Variants in PBRM1 observed in about 807,000 individuals in gnomAD.
The protein encoded by PBRM1 is protein polybromo-1.
Under a neutral mutation model 194.5 loss-of-function variants are expected in PBRM1, and 27 were observed. That is an observed-to-expected ratio of 0.14 (90% CI 0.10 to 0.19). The LOEUF (loss-of-function observed/expected upper bound fraction) is 0.19. Among genes scored for constraint, PBRM1 ranks in the 10% least tolerant of loss-of-function variants. The probability of loss-of-function intolerance (pLI) is 1.00; values close to 1 mark genes in which losing one functional copy is unlikely to be tolerated. For synonymous variants in PBRM1, 655 were observed against 693.2 expected, an observed-to-expected ratio of 0.94 and a Z score of 0.87; for missense variants, 1,466 against 2,077.2, an observed-to-expected ratio of 0.71 and a Z score of 5.72.
intron 17 of PBRM1, among the ~76,000 whole-genome samples, chr3:52,602,224 A>C (rs1052704601): frequency 2.6e-5 from 4 of 152,236 alleles, no homozygotes; most frequent in African/African-American, 9.6e-5. Context: ...ATGTCTTCAA[A>C]TCTTTTTTCT....
At chr3:52,647,457 A>AAAAAATAT (rs1560745545) in intron 7 of PBRM1, among the ~76,000 whole-genome samples, 2 of 47,878 alleles carry the variant, frequency 4.2e-5, no homozygotes, top group Non-Finnish European at 6.9e-5. Context: ...AAAAAAAAAA[A>AAAAAATAT]ATATATATAT....
At chr3:52,661,191 AT>A (rs1462082296) in intron 4 of PBRM1, among the ~76,000 whole-genome samples, 3 of 151,976 alleles carry the variant, frequency 2.0e-5, no homozygotes, top group Admixed American at 6.6e-5. Flanking sequence ...TGCCTAGCTA[AT>A]TTTTGTATTT....
At chr3:52,546,994 T>A (rs1158006460), downstream of PBRM1, 1 of 233,214 alleles carries the variant, frequency 4.3e-6, no homozygotes, top group Non-Finnish European at 8.5e-6. Flanking sequence ...TACTTGTATA[T>A]GAAGGCAATC....
chr3:52,562,746 G>A (rs967739886), intron 24 of PBRM1, among the ~76,000 whole-genome samples: 1 of 151,898 alleles, frequency 6.6e-6, no homozygotes, highest in African/African-American at 2.4e-5. Context: ...TCACTATGTT[G>A]CCCAATGTGG....
At chr3:52,584,602 T>C (rs1471565983) in intron 20 of PBRM1, among the ~76,000 whole-genome samples, 2 of 151,858 alleles carry the variant, frequency 1.3e-5, no homozygotes, top group Non-Finnish European at 2.9e-5. Context: ...TCTACAGGCA[T>C]GTGCTACCAT....
At chr3:52,553,927 G>C (rs1350568599) in intron 27 of PBRM1, among the ~76,000 whole-genome samples, 1 of 152,142 alleles carries the variant, frequency 6.6e-6, no homozygotes, top group East Asian at 1.9e-4. Flanking sequence ...CTCCCAAAGT[G>C]CTGGGATTAC....
At chr3:52,597,201 C>T (rs1174214277) in intron 17 of PBRM1, among the ~76,000 whole-genome samples, 2 of 152,194 alleles carry the variant, frequency 1.3e-5, no homozygotes, top group African/African-American at 2.4e-5. Context: ...CAATTCAAGA[C>T]TGTGTTTTCT....
chr3:52,661,257 T>C (rs1001624606), intron 4 of PBRM1, among the ~76,000 whole-genome samples: 1 of 152,100 alleles, frequency 6.6e-6, no homozygotes, highest in Non-Finnish European at 1.5e-5. Context: ...ACTCCTAACC[T>C]CAAGTGATCC....
chr3:52,622,210 G>C (rs930731710), intron 13 of PBRM1, among the ~76,000 whole-genome samples: 2 of 151,638 alleles, frequency 1.3e-5, no homozygotes, highest in Non-Finnish European at 2.9e-5. Context: ...GTGGTGGCGT[G>C]CACCTGTATC....
chr3:52,582,241 C>CAAAAAA (rs71084194), intron 20 of PBRM1, among the ~76,000 whole-genome samples: 1 of 91,262 alleles, frequency 1.1e-5, no homozygotes, highest in African/African-American at 4.1e-5. Context: ...GACTCCGTTT[C>CAAAAAA]AAAAAAAAAA....
At position 52,582,114 on chromosome 3, in the gene PBRM1, C is replaced by T. The variant is rs371460843; in HGVS notation, c.3388-2915G>A. Among the ~76,000 whole-genome samples, 467 of 151,606 alleles carry T rather than the reference C, an allele frequency of 3.1e-3. 2 individuals carry two copies. Among genetic ancestry groups the T allele is most frequent in the South Asian group, 3.7e-3 (18 of 4,802 alleles). On this transcript the variant is annotated intron_variant, in intron 20 of 29. Transcript: ENST00000296302. ...AAAAATAGCCGGGCATGGTGGCACACGCCTGTAGTCCCAGCTACTCAGGAG... is the reference window on the plus strand; with the variant it reads ...AAAAATAGCCGGGCATGGTGGCACATGCCTGTAGTCCCAGCTACTCAGGAG...
chr3:52,597,565 G>C (rs539087733), intron 17 of PBRM1, among the ~76,000 whole-genome samples: 2 of 151,930 alleles, frequency 1.3e-5, no homozygotes, highest in African/African-American at 2.4e-5. Context: ...AGAGAGACTA[G>C]AATTTTTTTT....
At position 52,609,998 on chromosome 3, in the gene PBRM1, C is replaced by A. The variant is rs768604184; in HGVS notation, c.1925-43G>T. The A allele has an allele frequency of 9.6e-6, 12 of 1,247,150 alleles. No homozygotes were observed. The highest frequency in any genetic ancestry group is 7.4e-5 in the East Asian group (3 of 40,590). The allele number at this position is 1,247,150 out of a possible 1,614,324, so 77.3% of individuals were successfully genotyped here. ...ATGTTAAATGAATAAAATAAATGAA[C>A]CTAAATTTGTATACAGATGGTAGCA... On this transcript the variant is annotated intron_variant, in intron 15 of 29. Transcript: ENST00000296302. The surrounding 1 kb of genome is among the most constrained non-coding windows in gnomAD (Gnocchi z 4.1).
chr3:52,673,038 A>G (rs1316055251), intron 2 of PBRM1, among the ~76,000 whole-genome samples: 2 of 151,560 alleles, frequency 1.3e-5, no homozygotes, highest in Non-Finnish European at 2.9e-5. Context: ...TCCAGGCTGG[A>G]GTGCAATGGT....
In PBRM1 at chr3:52,558,162, T is replaced by C. The variant is rs1440709938; in HGVS notation, c.4453+87A>G. ...TTGAATCTGTCATGAGAAAAGGCAA[T>C]AGACTGTGGCCTACTCCTTATTGGA... On this transcript the variant is annotated intron_variant, in intron 26 of 29. Transcript: ENST00000296302. 9 of 933,846 alleles carry C rather than the reference T, an allele frequency of 9.6e-6. 1 individual carries two copies. The highest frequency in any genetic ancestry group is 9.3e-5 in the South Asian group (5 of 53,776). 57.8% of individuals were successfully genotyped at this position (933,846 alleles called of 1,614,324 possible). A position where few individuals can be genotyped will look rare whatever the true frequency, so the allele number is the denominator to read the frequency against.
chr3:52,566,210 G>C (rs2085173134), intron 22 of PBRM1, among the ~76,000 whole-genome samples: 1 of 152,018 alleles, frequency 6.6e-6, no homozygotes, highest in African/African-American at 2.4e-5. Context: ...TGGTAAGGAT[G>C]TGAAGAAAAT....
chr3:52,607,844 A>G (rs896977769), intron 16 of PBRM1, among the ~76,000 whole-genome samples: 3 of 152,190 alleles, frequency 2.0e-5, no homozygotes, highest in Admixed American at 6.5e-5. Context: ...CTGAAGAACC[A>G]TATTATTAAG....
intron 2 of PBRM1, among the ~76,000 whole-genome samples, chr3:52,677,223 C>G (rs1413172618): frequency 2.0e-5 from 3 of 152,076 alleles, no homozygotes; most frequent in Non-Finnish European, 2.9e-5. Context: ...AAATTAAAAC[C>G]TTTTGTACAT....
chr3:52,661,579 T>C (rs1560909510), intron 4 of PBRM1, among the ~76,000 whole-genome samples: 1 of 151,894 alleles, frequency 6.6e-6, no homozygotes, highest in African/African-American at 2.4e-5. Context: ...GGAGATAGGG[T>C]GGTCAGGAAA....
Sources: gnomAD v4.1 joint callset for allele counts (sites outside exome capture counted in the v4.1 genomes callset) on GRCh38, gnomAD v4.1.1 for gene constraint, Gnocchi (gnomAD v3.1) non-coding constraint, MANE v1.5 for transcripts, NCBI Gene and HGNC (gene_info 2026-07-23, HGNC 2026-07-21) for gene names.